Variants in PLEKHM3 observed in about 807,000 individuals in gnomAD.
The protein encoded by PLEKHM3 is pleckstrin homology domain containing M3.
In PLEKHM3, 45 loss-of-function variants were observed where a neutral mutation model predicts 81.8. That is an observed-to-expected ratio of 0.55 (90% CI 0.43 to 0.71). The LOEUF is 0.71. Among genes scored for constraint, PLEKHM3 ranks in the 30% least tolerant of loss-of-function variants. The pLI, the probability that PLEKHM3 is intolerant of heterozygous loss-of-function variation, is 0.00. For synonymous variants in PLEKHM3, 352 were observed against 356.4 expected (o/e 0.99, Z 0.14); for missense variants, 788 against 924.3 (o/e 0.85, Z 1.91).
intron 3 of PLEKHM3, among the ~76,000 whole-genome samples, chr2:207,952,186 G>A (rs976726241): frequency 1.3e-5 from 2 of 152,108 alleles, no homozygotes; most frequent in Non-Finnish European, 2.9e-5. Flanking sequence ...ACACATTGTC[G>A]TTTTCTCTGT....
At position 207,946,370 on chromosome 2, in the gene PLEKHM3, A is replaced by G; in HGVS notation, c.1689T>C (p.Tyr563=). 1 of 1,613,508 alleles carries G rather than the reference A, an allele frequency of 6.2e-7. No homozygotes were observed. Among genetic ancestry groups the G allele is most frequent in the South Asian group, 1.1e-5 (1 of 90,936 alleles). ...RIVHNWDTSK[Y]KVSKQAKEFL... is the part of the protein sequence containing the mutation. ...TGAACTGAGTTTTTGTACCTACCTT[A>G]TACTTTGAAGTATCCCAGTTGTGGA... Residue 563 remains tyrosine, a synonymous_variant, in exon 4 of 8, where the codon TAT becomes TAC. Transcript: ENST00000427836.
chr2:207,964,259 C>A (rs1223321619), intron 3 of PLEKHM3, among the ~76,000 whole-genome samples: 1 of 151,830 alleles, frequency 6.6e-6, no homozygotes. Flanking sequence ...GTTTCTCAAA[C>A]TTCGTATGCA....
chr2:207,995,962 T>C (rs2106079443), intron 2 of PLEKHM3, among the ~76,000 whole-genome samples: 1 of 152,310 alleles, frequency 6.6e-6, no homozygotes, highest in South Asian at 2.1e-4. Context: ...TATAAAATTA[T>C]CTCAAATGAT....
At chr2:207,939,567 A>G (rs775790371) in intron 4 of PLEKHM3, among the ~76,000 whole-genome samples, 1 of 152,182 alleles carries the variant, frequency 6.6e-6, no homozygotes, top group Non-Finnish European at 1.5e-5. Flanking sequence ...GCTAACCATA[A>G]CTGAGGGCTT....
intron 5 of PLEKHM3, among the ~76,000 whole-genome samples, chr2:207,916,838 A>T (rs998930133): frequency 3.9e-5 from 6 of 152,250 alleles, no homozygotes; most frequent in Admixed American, 3.3e-4. Flanking sequence ...TTTTTGAAAG[A>T]TCTCTGAGTA....
At chr2:207,850,045 AG>A (rs992172502) in intron 7 of PLEKHM3, among the ~76,000 whole-genome samples, 7 of 152,198 alleles carry the variant, frequency 4.6e-5, no homozygotes, top group African/African-American at 1.7e-4. Flanking sequence ...GGGAAGTGGA[AG>A]GGGAAGCAAG....
chr2:207,895,317 C>G (rs945524607), intron 6 of PLEKHM3, among the ~76,000 whole-genome samples: 7 of 152,192 alleles, frequency 4.6e-5, no homozygotes, highest in Non-Finnish European at 7.3e-5. Flanking sequence ...CTGGCCCTGT[C>G]AGCATATCTG....
chr2:207,865,790 AAAAAAAAAAAAAGATATAT>A (rs1209730531), intron 6 of PLEKHM3, among the ~76,000 whole-genome samples: 2 of 40,952 alleles, frequency 4.9e-5, no homozygotes, highest in African/African-American at 2.8e-4. Flanking sequence ...TCAAAAAAAA[AAAAAAAAAAAAAGATATAT>A]ATATATATAT....
rs961699421 is a variant in PLEKHM3 at position 207,822,731 on chromosome 2, G to A, written c.*5588C>T. The A allele has an allele frequency of 1.3e-5, 2 of 152,330 alleles. No individual in the cohort carries two copies. The highest frequency in any genetic ancestry group is 4.8e-5 in the African/African-American group (2 of 41,466). 9.4% of individuals were successfully genotyped at this position (152,330 alleles called of 1,614,324 possible). Reference sequence around the variant, plus strand: ...GGCTCCAAGAGCATCTATATGAAGAGTAGCCAGCAGGGAAGAAGCAAAGGG... The same window carrying A: ...GGCTCCAAGAGCATCTATATGAAGAATAGCCAGCAGGGAAGAAGCAAAGGG... On this transcript the variant is annotated 3_prime_UTR_variant, in exon 8 of 8. Transcript: ENST00000427836.
chr2:207,947,899 C>T (rs1183015439), intron 3 of PLEKHM3, among the ~76,000 whole-genome samples: 1 of 152,174 alleles, frequency 6.6e-6, no homozygotes, highest in Non-Finnish European at 1.5e-5. Context: ...TCATTTTCAT[C>T]ACAAATACAA....
Position 207,977,243 on chromosome 2 carries a change from C to T in PLEKHM3, c.954G>A (p.Gln318=), listed in dbSNP as rs1186012122. The T allele has an allele frequency of 1.9e-6, 3 of 1,614,028 alleles. No individual in the cohort carries two copies. Among genetic ancestry groups the T allele is most frequent in the Admixed American group, 1.7e-5 (1 of 60,004 alleles). ...HAAVPGYMGR[Q]NELTISPGLG... ...GCCCTGGTGAGATTGTCAGCTCATT[C>T]TGCCGCCCCATGTAACCGGGCACAG... The change falls in exon 3 of 8, where the codon CAG becomes CAA. Residue 318 remains glutamine, a synonymous_variant. Coordinates refer to ENST00000427836, the MANE Select transcript of PLEKHM3 (RefSeq NM_001080475.3).
At chr2:207,970,406 T>A (rs184406982) in intron 3 of PLEKHM3, among the ~76,000 whole-genome samples, 6 of 150,516 alleles carry the variant, frequency 4.0e-5, no homozygotes, top group African/African-American at 1.5e-4. Flanking sequence ...GCAGCAGGGG[T>A]CTGTGATGGT....
chr2:207,850,368 A>G (rs2092405996), intron 7 of PLEKHM3, among the ~76,000 whole-genome samples: 1 of 152,242 alleles, frequency 6.6e-6, no homozygotes. Flanking sequence ...CAAGTGGCAT[A>G]AAGGTCACAA....
chr2:207,882,333 C>A (rs1255524491), intron 6 of PLEKHM3, among the ~76,000 whole-genome samples: 3 of 149,940 alleles, frequency 2.0e-5, no homozygotes, highest in African/African-American at 7.4e-5. Flanking sequence ...CTGGGTTGGC[C>A]GGATGCGGTG....
chr2:207,933,821 G>T (rs186826386), intron 4 of PLEKHM3, among the ~76,000 whole-genome samples: 2 of 152,316 alleles, frequency 1.3e-5, no homozygotes, highest in African/African-American at 2.4e-5. Context: ...CTAGCAGTAG[G>T]CATATGGTGC....
intron 1 of PLEKHM3, among the ~76,000 whole-genome samples, chr2:208,008,594 C>T (rs991053031): frequency 2.0e-5 from 3 of 151,746 alleles, no homozygotes; most frequent in Non-Finnish European, 2.9e-5. Context: ...CAAGACCCCA[C>T]TCAATTGAAC....
At chr2:207,942,090 A>G (rs2105960655) in intron 4 of PLEKHM3, among the ~76,000 whole-genome samples, 1 of 152,368 alleles carries the variant, frequency 6.6e-6, no homozygotes, top group East Asian at 1.9e-4. Context: ...AAATAGAACT[A>G]ACATATGACC....
intron 3 of PLEKHM3, among the ~76,000 whole-genome samples, chr2:207,971,611 T>A (rs1462925836): frequency 6.6e-6 from 1 of 152,206 alleles, no homozygotes; most frequent in Admixed American, 6.5e-5. Flanking sequence ...ATATGGCATT[T>A]TGTGAATAAC....
chr2:207,979,530 G>A (rs114534332), intron 2 of PLEKHM3, among the ~76,000 whole-genome samples: 1,548 of 147,746 alleles, frequency 0.01, 30 homozygotes, highest in African/African-American at 0.036. Flanking sequence ...GTGAAACGCC[G>A]TCTCAGAAAA....
Sources: gnomAD v4.1 joint callset for allele counts (sites outside exome capture counted in the v4.1 genomes callset) on GRCh38, gnomAD v4.1.1 for gene constraint, MANE v1.5 for transcripts, NCBI Gene and HGNC (gene_info 2026-07-23, HGNC 2026-07-21) for gene names.